NOSIP: variants seen among roughly 807,000 people sequenced by gnomAD.
The protein encoded by NOSIP is nitric oxide synthase-interacting protein.
In NOSIP, 25 loss-of-function variants were observed where a neutral mutation model predicts 36.4. The observed-to-expected ratio is 0.69, with a 90% CI of 0.50 to 0.96. The LOEUF (loss-of-function observed/expected upper bound fraction) is 0.96, where lower values mean the gene tolerates loss of function less well. NOSIP is among the 40% of genes least tolerant of loss of function. The pLI is 0.00. For missense variants in NOSIP, 370 were observed against 429.0 expected (o/e 0.86, Z 1.21); for synonymous variants, 187 against 179.2 (o/e 1.04, Z -0.35).
intron 4 of NOSIP, chr19:49,557,964 C>T: frequency 2.0e-6 from 2 of 983,948 alleles, no homozygotes; most frequent in Non-Finnish European, 1.2e-6. Context: ...GACAAAAAGC[C>T]CAATAAGCAT....
At chr19:49,569,387 A>T (rs1339909785) in intron 1 of NOSIP, among the ~76,000 whole-genome samples, 2 of 145,730 alleles carry the variant, frequency 1.4e-5, no homozygotes, top group Non-Finnish European at 3.0e-5. Context: ...TTTAGTAGAG[A>T]TGGGGTTTCA....
At chr19:49,568,801 T>A (rs1287679997) in intron 1 of NOSIP, among the ~76,000 whole-genome samples, 1 of 118,736 alleles carries the variant, frequency 8.4e-6, no homozygotes, top group Non-Finnish European at 1.6e-5. Flanking sequence ...AAAAATAGTT[T>A]GTTTGTTTGT....
In NOSIP at chr19:49,560,424, C is replaced by T. The variant is rs564765771; in HGVS notation, c.70+198G>A. The T allele has an allele frequency of 1.2e-4, 73 of 603,442 alleles. 1 individual carries two copies. Among genetic ancestry groups the T allele is most frequent in the Middle Eastern group, 4.0e-4 (1 of 2,498 alleles). 37.4% of individuals were successfully genotyped at this position (603,442 alleles called of 1,614,324 possible). A position where few individuals can be genotyped will look rare whatever the true frequency, so the allele number is the denominator to read the frequency against. ...CTCTGTTGGGAGGAGTGAGTTCATG[C>T]GCAGAAGGCAGAGAACACAGTGCCG... On this transcript the variant is annotated intron_variant, in intron 2 of 8. Coordinates refer to ENST00000596358, the MANE Select transcript of NOSIP (RefSeq NM_001270960.2). This position sits in a 1 kb window ranked among gnomAD's most constrained non-coding sequence, Gnocchi z 4.6.
At chr19:49,575,889 T>C in intron 1 of NOSIP, among the ~76,000 whole-genome samples, 1 of 152,196 alleles carries the variant, frequency 6.6e-6, no homozygotes, top group East Asian at 1.9e-4. Context: ...CCCAGCACTT[T>C]GGGAGGCCAA....
Position 49,555,745 on chromosome 19 carries a change from A to G in NOSIP, c.*6T>C. 6.2e-7 allele frequency: 1 copy of G among 1,612,768 alleles called. No individual in the cohort carries two copies. The highest frequency in any genetic ancestry group is 8.5e-7 in the Non-Finnish European group (1 of 1,179,198). Reference sequence around the variant, plus strand: ...CAAGCCGGTTTATTTGGTCTCCCGCACACACTCAGGCCTGCATCACCGGCC... The same window carrying G: ...CAAGCCGGTTTATTTGGTCTCCCGCGCACACTCAGGCCTGCATCACCGGCC... On this transcript the variant is annotated 3_prime_UTR_variant, in exon 9 of 9. Transcript: ENST00000596358.
chr19:49,560,584 A>G lies in NOSIP; in HGVS notation c.70+38T>C. Reference sequence around the variant, plus strand: ...CGAGGGGAGAGGGTGACTCCAAGACACAGCCATGTCCCGCCTCTTCCCACC... The same window carrying G: ...CGAGGGGAGAGGGTGACTCCAAGACGCAGCCATGTCCCGCCTCTTCCCACC... On this transcript the variant is annotated intron_variant, in intron 2 of 8. Transcript: ENST00000596358. The surrounding 1 kb of genome is among the most constrained non-coding windows in gnomAD (Gnocchi z 4.6). 6.6e-7 allele frequency: 1 copy of G among 1,513,436 alleles called. No homozygotes were observed. The highest frequency in any genetic ancestry group is 9.0e-7 in the Non-Finnish European group (1 of 1,109,058). The allele number at this position is 1,513,436 out of a possible 1,614,324, so 93.8% of individuals were successfully genotyped here.
intron 1 of NOSIP, among the ~76,000 whole-genome samples, chr19:49,566,029 T>TC (rs996735078): frequency 6.7e-6 from 1 of 148,840 alleles, no homozygotes; most frequent in African/African-American, 2.4e-5. Context: ...TTCTTCTTCT[T>TC]TTTTTTTTTT....
chr19:49,557,266 G>T lies in NOSIP; in HGVS notation c.259-17C>A. The T allele has an allele frequency of 6.4e-7, 1 of 1,564,964 alleles. No homozygotes were observed. The highest frequency in any genetic ancestry group is 2.3e-5 in the East Asian group (1 of 42,984). The stretch of plus-strand genomic sequence containing the variant: ...CTCGTAGGCCTGCGTCGGGGAAAGT[G>T]GGCTGAGCATCTGCCCGTGGGGCTG... On this transcript the variant is annotated splice_polypyrimidine_tract_variant and intron_variant, in intron 4 of 8. Coordinates refer to ENST00000596358, the MANE Select transcript of NOSIP (RefSeq NM_001270960.2).
chr19:49,562,322 C>T (rs1172274606), intron 1 of NOSIP, among the ~76,000 whole-genome samples: 3 of 152,064 alleles, frequency 2.0e-5, no homozygotes, highest in African/African-American at 7.2e-5. Context: ...CGGGGTTTCA[C>T]CGTGTTGGCC....
chr19:49,574,196 G>C (rs1300994619), intron 1 of NOSIP, among the ~76,000 whole-genome samples: 1 of 152,072 alleles, frequency 6.6e-6, no homozygotes, highest in Non-Finnish European at 1.5e-5. Context: ...TTGAAGCTTG[G>C]AGAAATTGGC....
intron 1 of NOSIP, among the ~76,000 whole-genome samples, chr19:49,575,860 A>C (rs921319230): frequency 6.6e-6 from 1 of 152,208 alleles, no homozygotes; most frequent in Non-Finnish European, 1.5e-5. Context: ...GGCCAGGCGC[A>C]GTGGCTCACG....
Position 49,556,670 on chromosome 19 carries a change from A to C in NOSIP, c.604T>G (p.Phe202Val). The part of the protein sequence containing the change: ...LRMSDLTPVH[F>V]TPLDSSVDRV... ...TCCACGGAGCTGTCTAGCGGTGTGA[A>C]GTGCACGGGCGTCAGGTCCGACATG... Residue 202 changes from phenylalanine (F) to valine (V), a missense_variant, in exon 7 of 9, where the codon TTC becomes GTC. Phe to Val is a conservative substitution (Grantham distance 50). Transcript: ENST00000596358. 1 of 1,611,846 alleles carries C rather than the reference A, an allele frequency of 6.2e-7. No individual in the cohort carries two copies. The highest frequency in any genetic ancestry group is 8.5e-7 in the Non-Finnish European group (1 of 1,179,358).
At chr19:49,569,806 C>G (rs901751277) in intron 1 of NOSIP, among the ~76,000 whole-genome samples, 1 of 144,982 alleles carries the variant, frequency 6.9e-6, no homozygotes, top group African/African-American at 2.6e-5. Context: ...GAGACTTTGT[C>G]TCAAAAAACA....
Position 49,557,112 on chromosome 19 carries a change from C to T in NOSIP, c.396G>A (p.Lys132=), listed in dbSNP as rs776622991. 1.9e-6 allele frequency: 3 copies of T among 1,612,614 alleles called. No individual in the cohort carries two copies. The highest frequency in any genetic ancestry group is 2.2e-5 in the East Asian group (1 of 44,862). Residue 132 remains lysine (K), a synonymous_variant, in exon 5 of 9, where the codon AAG becomes AAA. Coordinates refer to ENST00000596358, the MANE Select transcript of NOSIP (RefSeq NM_001270960.2). ...VSRPLNPFTA[K]ALSGTSPDDV... ...CACCTGGGCTGGTGCCCGAGAGGGC[C>T]TTGGCTGTGAAAGGGTTGAGGGGCC...
chr19:49,556,352 T>C lies in NOSIP; in HGVS notation c.799A>G (p.Lys267Glu), dbSNP rs1450006020. The C allele has an allele frequency of 1.9e-6, 3 of 1,613,586 alleles. No homozygotes were observed. The South Asian group carries it at 3.3e-5, about 18-fold the overall frequency. ...ACGATGATGTCGCGGTCTGTGAGTTTGTCTCCAGTCACAGGGTCCACCATG... is the reference window on the plus strand; with the variant it reads ...ACGATGATGTCGCGGTCTGTGAGTTCGTCTCCAGTCACAGGGTCCACCATG... ...KDMVDPVTGD[K>E]LTDRDIIVLQ... is the part of the protein sequence containing the mutation. The change falls in exon 8 of 9, where the codon AAA becomes GAA. Residue 267 changes from lysine (K) to glutamate (E), a missense_variant. This residue lies in a region of NOSIP where 315 missense variants were observed against 331.9 expected (regional missense o/e 0.95). Transcript: ENST00000596358.
chr19:49,571,290 CTT>C (rs946205167), intron 1 of NOSIP, among the ~76,000 whole-genome samples: 122 of 152,004 alleles, frequency 8.0e-4, no homozygotes, highest in African/African-American at 2.9e-3. Flanking sequence ...CCGGCAAACT[CTT>C]TGATTTTTAA....
chr19:49,557,036 G>A (rs921063202), intron 5 of NOSIP, 43 bp from the exon 6 acceptor site: 9 of 1,589,292 alleles, frequency 5.7e-6, no homozygotes, highest in Middle Eastern at 1.7e-4. Context: ...CCCTGGGCCC[G>A]CCCAGCCCGC....
intron 1 of NOSIP, among the ~76,000 whole-genome samples, chr19:49,570,325 C>T (rs1385621471): frequency 1.3e-5 from 2 of 152,216 alleles, no homozygotes; most frequent in East Asian, 3.9e-4. Flanking sequence ...TTGCCTTTCC[C>T]ATTCAAAACT....
chr19:49,555,877 G>T, intron 8 of NOSIP, 55 bp from the exon 9 acceptor site: 1 of 1,333,298 alleles, frequency 7.5e-7, no homozygotes, highest in South Asian at 1.2e-5. Context: ...GTGACCAGTG[G>T]GGCTCCAGGT....
Sources: gnomAD v4.1 joint callset for allele counts (sites outside exome capture counted in the v4.1 genomes callset) on GRCh38, gnomAD v4.1.1 for gene constraint, gnomAD v4.1.1 regional missense constraint, Gnocchi (gnomAD v3.1) non-coding constraint, MANE v1.5 for transcripts, NCBI Gene and HGNC (gene_info 2026-07-23, HGNC 2026-07-21) for gene names.